DSP: variants seen among roughly 807,000 people sequenced by gnomAD.
The protein encoded by DSP is 250/210 kDa paraneoplastic pemphigus antigen.
Under a neutral mutation model 290.6 loss-of-function variants are expected in DSP, and 114 were observed. The ratio of observed to expected loss-of-function variants is 0.39; its 90% CI spans 0.34 to 0.46. The LOEUF (loss-of-function observed/expected upper bound fraction) is 0.46, where lower values mean the gene tolerates loss of function less well. DSP is among the 20% of genes least tolerant of loss of function. The pLI, the probability that DSP is intolerant of heterozygous loss-of-function variation, is 0.99. For missense variants in DSP, 3,230 were observed against 3,495.8 expected (o/e 0.92, Z 1.92); for synonymous variants, 1,311 against 1,316.4 (o/e 1.00, Z 0.09).
At chr6:7,581,771 A>G (rs995329190) in intron 23 of DSP, among the ~76,000 whole-genome samples, 1 of 152,146 alleles carries the variant, frequency 6.6e-6, no homozygotes, top group African/African-American at 2.4e-5. Context: ...CTGTTCTTTA[A>G]TTGCATCAAA....
intron 1 of DSP, among the ~76,000 whole-genome samples, chr6:7,552,665 T>G (rs986206316): frequency 6.9e-5 from 8 of 115,260 alleles, no homozygotes; most frequent in Non-Finnish European, 1.4e-4. Flanking sequence ...ACCTGTTGTT[T>G]TTTTTTTTTT....
chr6:7,575,921 G>A (rs1387222896), intron 18 of DSP, among the ~76,000 whole-genome samples: 1 of 152,192 alleles, frequency 6.6e-6, no homozygotes, highest in Non-Finnish European at 1.5e-5. Context: ...AATTTTATAT[G>A]ACTGGAATCA....
Position 7,579,392 on chromosome 6 carries a change from G to T in DSP, c.3202G>T (p.Glu1068Ter). The change falls in exon 23 of 24, where the codon GAG becomes TAG. Residue 1068 changes from glutamate (E) to a stop codon, truncating the protein, a stop_gained. Transcript: ENST00000379802. LOFTEE classifies it high-confidence loss of function. This position sits in a 1 kb window ranked among gnomAD's most constrained non-coding sequence, Gnocchi z 4.1. The stretch of plus-strand genomic sequence containing the variant: ...TCAGAACCTGCAGAAATACCAGGCA[G>T]AGTGTTCCCAGTTCAAAGCGAAGCT... Reference protein sequence around the residue: ...LDQNLQKYQAECSQFKAKLAS... With the variant: ...LDQNLQKYQA 6.2e-7 allele frequency: 1 copy of T among 1,614,190 alleles called. No homozygotes were observed. The highest frequency in any genetic ancestry group is 8.5e-7 in the Non-Finnish European group (1 of 1,180,036).
chr6:7,559,227 C>T lies in DSP; in HGVS notation c.424C>T (p.Leu142Phe), dbSNP rs373769397. The change falls in exon 4 of 24, where the codon CTT becomes TTT. Residue 142 changes from leucine (L) to phenylalanine (F), a missense_variant and splice_region_variant. By Grantham distance (22) the Leu-to-Phe change is conservative (BLOSUM62 0). This residue lies in a region of DSP where 646 missense variants were observed against 684.3 expected (regional missense o/e 0.94). Transcript: ENST00000379802. ...GQPCDAYQKRLLQLQEQMRAL... is the reference protein window; with the variant it reads ...GQPCDAYQKRFLQLQEQMRAL... ...GTTTAAAGGTTTTTTTCTTTGCAGG[C>T]TTCTTCAGCTCCAAGAGCAAATGCG... is the stretch of plus-strand genomic sequence containing the variant. 2.0e-5 allele frequency: 33 copies of T among 1,613,764 alleles called. No homozygotes were observed. The highest frequency in any genetic ancestry group is 1.5e-4 in the African/African-American group (11 of 74,908).
rs1277008079 is a variant in DSP at position 7,580,143 on chromosome 6, A to G, written c.3953A>G (p.Lys1318Arg). 6.2e-7 allele frequency: 1 copy of G among 1,614,060 alleles called. No homozygotes were observed. The highest frequency in any genetic ancestry group is 8.5e-7 in the Non-Finnish European group (1 of 1,180,036). Residue 1318 changes from lysine (K) to arginine (R), a missense_variant, in exon 23 of 24, where the codon AAG (lysine) becomes AGG (arginine). Physicochemically the swap from Lys to Arg is conservative, Grantham distance 26. This residue lies in a region of DSP where 1,714 missense variants were observed against 1,844.5 expected (regional missense o/e 0.93). Transcript: ENST00000379802. The surrounding 1 kb of genome is among the most constrained non-coding windows in gnomAD (Gnocchi z 4.2). ...RHKQSLEEAA[K>R]TIQDKNKEIE... ...AAGCAGTCCCTGGAGGAGGCTGCCA[A>G]GACCATTCAGGACAAAAATAAGGAG...
intron 1 of DSP, among the ~76,000 whole-genome samples, chr6:7,552,281 C>T (rs1758362212): frequency 1.3e-5 from 2 of 151,980 alleles, no homozygotes; most frequent in South Asian, 4.1e-4. Context: ...TGAGACAGGG[C>T]GCGGTGGCTC....
chr6:7,563,857 A>C, intron 6 of DSP, 71 bp downstream of exon 6: 2 of 1,412,612 alleles, frequency 1.4e-6, no homozygotes, highest in Non-Finnish European at 1.0e-6. Flanking sequence ...AAGAAATATC[A>C]AGCACATCCT....
intron 4 of DSP, 166 bp from the exon 5 acceptor site, chr6:7,562,485 AC>A: frequency 8.5e-7 from 1 of 1,178,466 alleles, no homozygotes; most frequent in South Asian, 1.2e-5. Context: ...GTATTTGGCA[AC>A]CCTGCATTAG....
intron 17 of DSP, 118 bp downstream of exon 17, chr6:7,574,913 C>T: frequency 2.2e-6 from 3 of 1,375,910 alleles, no homozygotes; most frequent in Non-Finnish European, 3.1e-6. Context: ...GTTTCAGTGG[C>T]CACACAGGTT....
Position 7,580,955 on chromosome 6 carries a change from T to G in DSP, c.4765T>G (p.Cys1589Gly), listed in dbSNP as rs535638481. 3.1e-6 allele frequency: 5 copies of G among 1,614,068 alleles called. No individual in the cohort carries two copies. Among genetic ancestry groups the G allele is most frequent in the East Asian group, 2.2e-5 (1 of 44,874 alleles). Residue 1589 changes from cysteine (C) to glycine (G), a missense_variant, in exon 23 of 24, where the codon TGC (cysteine) becomes GGC (glycine). Coordinates refer to ENST00000379802, the MANE Select transcript of DSP (RefSeq NM_004415.4). This position sits in a 1 kb window ranked among gnomAD's most constrained non-coding sequence, Gnocchi z 4.2. The part of the protein sequence containing the change: ...RLKRTASEDS[C>G]KRKKLEEELE... ...GAAGAGGACCGCGTCAGAAGACTCCTGCAAGAGGAAGAAGCTGGAGGAAGA... is the reference window on the plus strand; with the variant it reads ...GAAGAGGACCGCGTCAGAAGACTCCGGCAAGAGGAAGAAGCTGGAGGAAGA...
Position 7,583,450 on chromosome 6 carries a change from G to A in DSP, c.6188G>A (p.Arg2063Gln), listed in dbSNP as rs142927608. The A allele has an allele frequency of 1.1e-5, 18 of 1,614,010 alleles. No homozygotes were observed. Among genetic ancestry groups the A allele is most frequent in the Non-Finnish European group, 1.5e-5 (18 of 1,180,042 alleles). Residue 2063 changes from arginine (R) to glutamine (Q), a missense_variant, in exon 24 of 24, where the codon CGG becomes CAG. Around this residue, in one of 5 missense-constraint regions of DSP, gnomAD observed 1,714 missense variants for 1,844.5 expected, o/e 0.93. Coordinates refer to ENST00000379802, the MANE Select transcript of DSP (RefSeq NM_004415.4). This position sits in a 1 kb window ranked among gnomAD's most constrained non-coding sequence, Gnocchi z 4.0. ...ACAGGTGGTATAATTGATCCCCATCGGAATGAGAAGCTGACTGTCGACAGT... is the reference window on the plus strand; with the variant it reads ...ACAGGTGGTATAATTGATCCCCATCAGAATGAGAAGCTGACTGTCGACAGT... Reference protein sequence around the residue: ...AATGGIIDPHRNEKLTVDSAI... With the variant: ...AATGGIIDPHQNEKLTVDSAI...
Position 7,563,707 on chromosome 6 carries a change from A to G in DSP, c.727-29A>G, listed in dbSNP as rs1758770691. ...TTCTATACAATCCACAAGGGGATTT[A>G]TATCTACCTGCTTTTTGTTGTCTTC... On this transcript the variant is annotated intron_variant, in intron 5 of 23. Transcript: ENST00000379802. 2.5e-6 allele frequency: 4 copies of G among 1,598,910 alleles called. No individual in the cohort carries two copies. The South Asian group carries it at 3.3e-5, about 13-fold the overall frequency.
chr6:7,578,402 AT>A (rs1469890056), intron 21 of DSP, 61 bp from the exon 22 acceptor site: 3 of 1,429,652 alleles, frequency 2.1e-6, no homozygotes, highest in Non-Finnish European at 2.0e-6. Flanking sequence ...AATCGGTCAA[AT>A]TACATAGGAC....
chr6:7,559,099 T>A, intron 3 of DSP, 127 bp from the exon 4 acceptor site: 1 of 1,109,222 alleles, frequency 9.0e-7, no homozygotes, highest in East Asian at 2.5e-5. Context: ...AAAAAAAATC[T>A]TCAAATACCA....
rs569974617 is a variant in DSP at position 7,579,292 on chromosome 6, C to G, written c.3102C>G (p.Ile1034Met). 2 of 1,614,050 alleles carry G rather than the reference C, an allele frequency of 1.2e-6. No homozygotes were observed. The highest frequency in any genetic ancestry group is 1.7e-6 in the Non-Finnish European group (2 of 1,180,002). The change falls in exon 23 of 24, where the codon ATC becomes ATG. Residue 1034 changes from isoleucine (I) to methionine (M), a missense_variant. Coordinates refer to ENST00000379802, the MANE Select transcript of DSP (RefSeq NM_004415.4). This position sits in a 1 kb window ranked among gnomAD's most constrained non-coding sequence, Gnocchi z 4.1. ...LEDLKLKNTK[I>M]EVLEEELRLA... ...TTCCACAGCTGAAAAATACCAAGAT[C>G]GAAGTTTTGGAAGAGGAGCTCAGAC... is the stretch of plus-strand genomic sequence containing the variant.
Position 7,576,987 on chromosome 6 carries a change from G to A in DSP, c.2822G>A (p.Arg941Gln), listed in dbSNP as rs759869347. 43 of 1,613,124 alleles carry A rather than the reference G, an allele frequency of 2.7e-5. No homozygotes were observed. Among genetic ancestry groups the A allele is most frequent in the East Asian group, 8.9e-5 (4 of 44,826 alleles). ...TTGCACAGTGAAATATCTGGCAAAC[G>A]AGACAAATCAGAGGAAGTACAAAAA... ...KNLHSEISGKRDKSEEVQKIA... is the reference protein window; with the variant it reads ...KNLHSEISGKQDKSEEVQKIA... The change falls in exon 20 of 24, where the codon CGA (arginine) becomes CAA (glutamine). Residue 941 changes from arginine to glutamine, a missense_variant. Coordinates refer to ENST00000379802, the MANE Select transcript of DSP (RefSeq NM_004415.4).
intron 15 of DSP, 89 bp downstream of exon 15, chr6:7,572,157 T>C (rs1759076970): frequency 8.6e-7 from 1 of 1,164,348 alleles, no homozygotes; most frequent in Admixed American, 2.1e-5. Context: ...TAAATGTTTG[T>C]AGGCAAAAAT....
intron 1 of DSP, among the ~76,000 whole-genome samples, chr6:7,551,728 GA>G (rs1368473048): frequency 3.3e-5 from 5 of 152,114 alleles, no homozygotes; most frequent in African/African-American, 1.2e-4. Context: ...TCTGACATCA[GA>G]CTGACCCGAT....
intron 20 of DSP, 29 bp from the exon 21 acceptor site, chr6:7,577,750 C>T (rs760819095): frequency 3.2e-6 from 5 of 1,548,944 alleles, no homozygotes; most frequent in Non-Finnish European, 4.5e-6. Flanking sequence ...CTATGAAGGA[C>T]ACTTTTCTTA....
Sources: gnomAD v4.1 joint callset for allele counts (sites outside exome capture counted in the v4.1 genomes callset) on GRCh38, gnomAD v4.1.1 for gene constraint, gnomAD v4.1.1 regional missense constraint, Gnocchi (gnomAD v3.1) non-coding constraint, MANE v1.5 for transcripts, NCBI Gene and HGNC (gene_info 2026-07-23, HGNC 2026-07-21) for gene names.